DNAH12: variants seen among roughly 807,000 people sequenced by gnomAD.
DNAH12 encodes dynein axonemal heavy chain 12.
DNAH12 carries 285 observed loss-of-function variants against 371.5 expected under a neutral mutation model. The observed-to-expected ratio is 0.77, with a 90% confidence interval of 0.70 to 0.85. The LOEUF is 0.85. Ranked by LOEUF, DNAH12 falls within the 40% of genes least tolerant of loss-of-function variation. The probability of loss-of-function intolerance (pLI) is 0.00; values close to 1 mark genes in which losing one functional copy is unlikely to be tolerated. For missense variants in DNAH12, 3,611 were observed against 3,689.4 expected (o/e 0.98, Z 0.55); for synonymous variants, 1,200 against 1,213.0 (o/e 0.99, Z 0.22).
chr3:57,299,016 G>C (rs565879526), intron 70 of DNAH12, among the ~76,000 whole-genome samples: 1 of 152,214 alleles, frequency 6.6e-6, no homozygotes, highest in Non-Finnish European at 1.5e-5. Flanking sequence ...CTGGGAAGAA[G>C]CCAGTTTTGC....
chr3:57,296,311 A>G (rs1327150086), intron 72 of DNAH12, 33 bp downstream of exon 72: 1 of 1,487,740 alleles, frequency 6.7e-7, no homozygotes, highest in Non-Finnish European at 9.1e-7. Flanking sequence ...TTCAGCTACA[A>G]ATGAAGAGGT....
At chr3:57,461,401 A>G (rs2066049612) in intron 19 of DNAH12, 88 bp downstream of exon 19, 1 of 1,273,754 alleles carries the variant, frequency 7.9e-7, no homozygotes, top group Admixed American at 2.2e-5. Flanking sequence ...AAACCATCCA[A>G]TAAGCTACTT....
chr3:57,424,709 T>TG (rs1180584344), intron 35 of DNAH12, among the ~76,000 whole-genome samples: 6 of 124,082 alleles, frequency 4.8e-5, no homozygotes, highest in African/African-American at 9.3e-5. Context: ...CTGGGGGAGG[T>TG]GGGGGGTGGA....
chr3:57,333,225 G>C (rs1024568357), intron 62 of DNAH12, among the ~76,000 whole-genome samples: 1 of 151,406 alleles, frequency 6.6e-6, no homozygotes, highest in East Asian at 1.9e-4. Context: ...TCAGCTTCCC[G>C]AGCTCGAACT....
chr3:57,390,675 G>A (rs943124365), intron 45 of DNAH12, among the ~76,000 whole-genome samples: 1 of 151,502 alleles, frequency 6.6e-6, no homozygotes, highest in Admixed American at 6.6e-5. Flanking sequence ...TCAAGAGTAT[G>A]AATACCAAAT....
chr3:57,553,012 A>G, the DNAH12 span, among the ~76,000 whole-genome samples: 2 of 152,104 alleles, frequency 1.3e-5, no homozygotes, highest in African/African-American at 4.8e-5. Context: ...CCCTGTCTCT[A>G]CTAAAAATAC....
intron 13 of DNAH12, among the ~76,000 whole-genome samples, chr3:57,476,994 T>C (rs1482013544): frequency 1.3e-5 from 2 of 152,128 alleles, no homozygotes; most frequent in African/African-American, 4.8e-5. Flanking sequence ...GCTCCCAGTG[T>C]GAGCGACGCA....
intron 39 of DNAH12, among the ~76,000 whole-genome samples, chr3:57,410,543 G>T (rs1553682683): frequency 6.6e-6 from 1 of 152,114 alleles, no homozygotes; most frequent in Admixed American, 6.6e-5. Flanking sequence ...TCCAGGCCGG[G>T]TGTGGTGGCT....
At chr3:57,428,592 A>T (rs1414329085) in intron 34 of DNAH12, 41 bp downstream of exon 34, 1 of 1,510,158 alleles carries the variant, frequency 6.6e-7, no homozygotes, top group Non-Finnish European at 8.8e-7. Flanking sequence ...AGTTGAATGG[A>T]AACAAAGAAA....
rs962585001 is a variant in DNAH12, at chr3:57,387,091, T to C, written c.7434A>G (p.Ser2478=). The C allele has an allele frequency of 1.1e-4, 17 of 152,212 alleles. No homozygotes were observed. Among genetic ancestry groups the C allele is most frequent in the African/African-American group, 3.9e-4 (16 of 41,462 alleles). 9.4% of individuals were successfully genotyped at this position (152,212 alleles called of 1,614,324 possible). Residue 2478 remains serine, a synonymous_variant, in exon 46 of 74, where the codon TCA becomes TCG. Transcript: ENST00000495027. ...TTAAATTCACTAATATTAACCTTTC[T>C]GAAAGATCCATAATGGAGGTGTGAA... ...KHFHTSIMDL[S]ERFLHELGRH...
chr3:57,399,896 C>A (rs969665753), intron 43 of DNAH12, among the ~76,000 whole-genome samples: 29 of 152,316 alleles, frequency 1.9e-4, no homozygotes, highest in Middle Eastern at 3.4e-3. Context: ...CAGTTTAATA[C>A]ATATAACATA....
intron 55 of DNAH12, among the ~76,000 whole-genome samples, chr3:57,369,290 T>C (rs1269229963): frequency 1.2e-5 from 1 of 80,124 alleles, no homozygotes; most frequent in African/African-American, 7.7e-5. Flanking sequence ...ACATATAATA[T>C]AGAATTTTAA....
At chr3:57,413,963 T>C in intron 38 of DNAH12, 51 bp from the exon 39 acceptor site, 5 of 1,504,032 alleles carry the variant, frequency 3.3e-6, no homozygotes, top group Non-Finnish European at 4.5e-6. Context: ...AATTAGGGAT[T>C]TATCATACTT....
chr3:57,464,937 C>A (rs185884379), intron 17 of DNAH12, among the ~76,000 whole-genome samples: 12 of 152,292 alleles, frequency 7.9e-5, no homozygotes, highest in African/African-American at 2.6e-4. Context: ...TGAATAGCTC[C>A]TATATCTATT....
intron 43 of DNAH12, among the ~76,000 whole-genome samples, chr3:57,398,686 CA>C (rs1237339067): frequency 1.3e-5 from 2 of 152,252 alleles, no homozygotes; most frequent in Middle Eastern, 6.8e-3. Flanking sequence ...CAACCAAGGA[CA>C]ATGTATCTGG....
chr3:57,349,552 T>G (rs2062622878), intron 60 of DNAH12, among the ~76,000 whole-genome samples: 1 of 152,164 alleles, frequency 6.6e-6, no homozygotes, highest in Non-Finnish European at 1.5e-5. Context: ...TGCAAAAATA[T>G]GAAACCAGCC....
At chr3:57,361,210 G>A (rs1012067626) in intron 58 of DNAH12, among the ~76,000 whole-genome samples, 9 of 151,236 alleles carry the variant, frequency 6.0e-5, no homozygotes, top group African/African-American at 2.2e-4. Flanking sequence ...AAATTGGCCT[G>A]GCATGGTGGG....
intron 62 of DNAH12, among the ~76,000 whole-genome samples, chr3:57,331,755 TAGAC>T (rs1236390304): frequency 2.0e-5 from 3 of 147,802 alleles, no homozygotes; most frequent in African/African-American, 4.9e-5. Flanking sequence ...AAACCTTAGT[TAGAC>T]AGGCTCCTCT....
chr3:57,449,302 G>A (rs573081148), intron 25 of DNAH12, among the ~76,000 whole-genome samples: 3 of 152,176 alleles, frequency 2.0e-5, no homozygotes, highest in Non-Finnish European at 2.9e-5. Context: ...TCCCACACCC[G>A]GGCTGCAGGT....
Sources: allele counts gnomAD v4.1 joint callset (sites outside exome capture counted in the v4.1 genomes callset), GRCh38; gene constraint gnomAD v4.1.1; transcripts MANE v1.5; gene names NCBI Gene and HGNC (gene_info 2026-07-23, HGNC 2026-07-21).